Variants in PKIB observed in about 807,000 individuals in gnomAD.
PKIB encodes PKI-beta.
A neutral mutation model predicts 4.5 loss-of-function variants in PKIB; 2 were observed. That is an observed-to-expected ratio of 0.44 (90% CI 0.18 to 1.39). PKIB has a LOEUF of 1.39. PKIB is among the 40% of genes most tolerant of loss of function. The probability of loss-of-function intolerance (pLI) is 0.27; values close to 1 mark genes in which losing one functional copy is unlikely to be tolerated. For missense variants in PKIB, 94 were observed against 92.6 expected, an observed-to-expected ratio of 1.02 and a Z score of -0.06; for synonymous variants, 38 against 36.0, an observed-to-expected ratio of 1.06 and a Z score of -0.20.
chr6:122,596,340 G>A (rs1240345766), intron 3 of PKIB, among the ~76,000 whole-genome samples: 3 of 152,168 alleles, frequency 2.0e-5, no homozygotes, highest in Admixed American at 2.0e-4. Flanking sequence ...ATCGGTGCAG[G>A]CTTGGGGAGA....
At chr6:122,716,325 A>G (rs1449574514) in intron 3 of PKIB, among the ~76,000 whole-genome samples, 2 of 152,204 alleles carry the variant, frequency 1.3e-5, no homozygotes, top group Admixed American at 1.3e-4. Flanking sequence ...GGATTGAACA[A>G]TATCACCTTC....
intron 2 of PKIB, among the ~76,000 whole-genome samples, chr6:122,549,707 G>A (rs1335473762): frequency 1.3e-5 from 2 of 151,752 alleles, no homozygotes; most frequent in Admixed American, 6.6e-5. Context: ...AGAATGATAT[G>A]TAACAAAATA....
chr6:122,495,510 C>T (rs1776052985), intron 2 of PKIB, among the ~76,000 whole-genome samples: 1 of 152,098 alleles, frequency 6.6e-6, no homozygotes, highest in African/African-American at 2.4e-5. Flanking sequence ...TCACAGCCAG[C>T]ACTTGACTTC....
intron 2 of PKIB, among the ~76,000 whole-genome samples, chr6:122,673,760 C>A (rs1485748423): frequency 6.6e-6 from 1 of 152,180 alleles, no homozygotes; most frequent in Non-Finnish European, 1.5e-5. Context: ...GGGAACAAGA[C>A]AAATGAGTCA....
chr6:122,579,390 G>A (rs1773642003), intron 2 of PKIB, among the ~76,000 whole-genome samples: 2 of 151,812 alleles, frequency 1.3e-5, no homozygotes, highest in South Asian at 4.1e-4. Context: ...AAGATCTCTG[G>A]TACATCAAAT....
chr6:122,553,481 C>CTTTTATTTTTTTT (rs1772746731), intron 2 of PKIB, among the ~76,000 whole-genome samples: 1 of 65,838 alleles, frequency 1.5e-5, no homozygotes, highest in Non-Finnish European at 2.7e-5. Context: ...CAAATATCTT[C>CTTTTATTTTTTTT]TTTTTTTTTT....
At chr6:122,655,260 G>A (rs888010689) in intron 2 of PKIB, among the ~76,000 whole-genome samples, 1 of 152,222 alleles carries the variant, frequency 6.6e-6, no homozygotes, top group African/African-American at 2.4e-5. Context: ...GACTGCTAGA[G>A]ACAGAATATT....
At chr6:122,572,175 A>G (rs1381472947) in intron 2 of PKIB, among the ~76,000 whole-genome samples, 1 of 152,124 alleles carries the variant, frequency 6.6e-6, no homozygotes, top group African/African-American at 2.4e-5. Context: ...AGACTTTGAA[A>G]CAATACAATA....
In PKIB at chr6:122,709,290, C is replaced by T. The variant is rs112637385; in HGVS notation, c.-8-8497C>T. Among the ~76,000 whole-genome samples, 61 of 152,154 alleles carry T rather than the reference C, an allele frequency of 4.0e-4. 1 individual carries two copies. Among genetic ancestry groups the T allele is most frequent in the African/African-American group, 1.4e-3 (59 of 41,504 alleles). ...AAACTTCCCATTGCTCCATATAGACCGTGTAACAAACAAGAGGACTAAGGG... is the reference window on the plus strand; with the variant it reads ...AAACTTCCCATTGCTCCATATAGACTGTGTAACAAACAAGAGGACTAAGGG... On this transcript the variant is annotated intron_variant, in intron 3 of 4. Transcript: ENST00000368452.
chr6:122,646,625 C>T (rs995421169), intron 2 of PKIB, among the ~76,000 whole-genome samples: 3 of 151,996 alleles, frequency 2.0e-5, no homozygotes, highest in Non-Finnish European at 4.4e-5. Context: ...GGAAAAAATC[C>T]GTGTTTCTTT....
intron 1 of PKIB, among the ~76,000 whole-genome samples, chr6:122,617,114 C>G (rs1775024984): frequency 6.6e-6 from 1 of 152,114 alleles, no homozygotes; most frequent in African/African-American, 2.4e-5. Context: ...TTCTCAATAT[C>G]CCTTGTAAAT....
intron 2 of PKIB, among the ~76,000 whole-genome samples, chr6:122,562,300 T>C (rs1267111305): frequency 1.3e-5 from 2 of 152,292 alleles, no homozygotes; most frequent in African/African-American, 4.8e-5. Context: ...CCCTTCTAGC[T>C]TGGAGGGTTT....
chr6:122,550,621 G>T (rs1485939864), intron 2 of PKIB, among the ~76,000 whole-genome samples: 2 of 152,030 alleles, frequency 1.3e-5, no homozygotes, highest in Non-Finnish European at 2.9e-5. Context: ...ATTTTATGGA[G>T]TCATACATCT....
At chr6:122,541,649 C>T (rs1168720620) in intron 2 of PKIB, among the ~76,000 whole-genome samples, 2 of 151,756 alleles carry the variant, frequency 1.3e-5, no homozygotes, top group Non-Finnish European at 2.9e-5. Flanking sequence ...GTGAATCTGA[C>T]AATTATGTGT....
chr6:122,609,825 A>T (rs1411507593), upstream of PKIB, among the ~76,000 whole-genome samples: 5 of 152,200 alleles, frequency 3.3e-5, no homozygotes, highest in African/African-American at 1.2e-4. Context: ...TTCTGCTTTT[A>T]TTGCACAAAA....
At chr6:122,714,253 A>T (rs1219826888) in intron 3 of PKIB, among the ~76,000 whole-genome samples, 2 of 152,176 alleles carry the variant, frequency 1.3e-5, no homozygotes, top group African/African-American at 4.8e-5. Context: ...CTGGTGAAGC[A>T]TGACATCTTG....
intron 2 of PKIB, among the ~76,000 whole-genome samples, chr6:122,507,215 G>A (rs1408241607): frequency 1.3e-5 from 2 of 152,050 alleles, no homozygotes; most frequent in Admixed American, 1.3e-4. Context: ...CTGATAGTTG[G>A]CCCTATGTAA....
intron 2 of PKIB, among the ~76,000 whole-genome samples, chr6:122,670,520 T>C (rs1484408775): frequency 6.6e-6 from 1 of 150,402 alleles, no homozygotes; most frequent in African/African-American, 2.4e-5. Context: ...GTTGTTGTTG[T>C]TGTTGTTAAA....
In PKIB at chr6:122,586,338, T is replaced by C. The variant is rs537184886; in HGVS notation, c.-161+331T>C. Among the ~76,000 whole-genome samples, 3 of 152,290 alleles carry C rather than the reference T, an allele frequency of 2.0e-5. No individual in the cohort carries two copies. The South Asian group carries it at 6.2e-4, about 32-fold the overall frequency. ...GTGCAGTCTTGATACCATCATATGA[T>C]TTTTCTCATTTTAATGTAACTATAT... On this transcript the variant is annotated intron_variant, in intron 3 of 6. Transcript: ENST00000392491.
Sources: allele counts gnomAD v4.1 joint callset (sites outside exome capture counted in the v4.1 genomes callset), GRCh38; gene constraint gnomAD v4.1.1; transcripts MANE v1.5; gene names NCBI Gene and HGNC (gene_info 2026-07-23, HGNC 2026-07-21).